SOX5: variants seen among roughly 807,000 people sequenced by gnomAD.
SOX5 encodes the protein SRY-box transcription factor 5.
A neutral mutation model predicts 92.0 loss-of-function variants in SOX5; 9 were observed. That is an observed-to-expected ratio of 0.10 (90% CI 0.06 to 0.17). SOX5 has a LOEUF of 0.17. SOX5 is among the 10% of genes least tolerant of loss of function. SOX5 has a pLI of 1.00. For missense variants in SOX5, 642 were observed against 944.5 expected (o/e 0.68, Z 4.20); for synonymous variants, 344 against 336.3 (o/e 1.02, Z -0.25).
chr12:23,919,179 T>C (rs1426040039), intron 1 of SOX5, among the ~76,000 whole-genome samples: 2 of 152,190 alleles, frequency 1.3e-5, no homozygotes, highest in Non-Finnish European at 2.9e-5. Flanking sequence ...AACCTGAGCA[T>C]GTGCCCCAAC....
At chr12:24,371,022 T>C (rs1052254981) in intron 1 of SOX5, among the ~76,000 whole-genome samples, 1 of 152,214 alleles carries the variant, frequency 6.6e-6, no homozygotes. Context: ...TGGATTTTAT[T>C]CCATGAATAG....
At chr12:24,215,772 A>G (rs1478528676) in intron 3 of SOX5, among the ~76,000 whole-genome samples, 6 of 152,044 alleles carry the variant, frequency 3.9e-5, no homozygotes, top group African/African-American at 1.4e-4. Flanking sequence ...TGGACATACA[A>G]AAAGTCCAAA....
At position 24,524,384 on chromosome 12, in the gene SOX5, TATCC is replaced by T. The variant is rs1247343575; in HGVS notation, c.-251+37941_-251+37944del. Among the ~76,000 whole-genome samples, 51 of 125,352 alleles carry T rather than the reference TATCC, an allele frequency of 4.1e-4. 1 individual carries two copies. Among genetic ancestry groups the T allele is most frequent in the African/African-American group, 1.0e-3 (38 of 36,618 alleles). 82.2% of individuals were successfully genotyped at this position (125,352 alleles called of 152,430 possible). ...CTATCTATCTATCTATCTATCTATC[TATCC>T]ATCCATCCATCCATCCTTCTATCCA... On this transcript the variant is annotated intron_variant, in intron 1 of 4. Coordinates refer to the SOX5 transcript ENST00000446891.
intron 6 of SOX5, among the ~76,000 whole-genome samples, chr12:23,669,152 G>T (rs1654030845): frequency 6.6e-6 from 1 of 152,064 alleles, no homozygotes; most frequent in Non-Finnish European, 1.5e-5. Flanking sequence ...CTCTGAATCT[G>T]GTGGGGCAAA....
At chr12:23,838,850 G>GGGC (rs2096472744) in intron 3 of SOX5, among the ~76,000 whole-genome samples, 5 of 104,610 alleles carry the variant, frequency 4.8e-5, no homozygotes, top group Admixed American at 1.0e-4. Context: ...TTTTGGGGGG[G>GGGC]GGGGGCGGGG....
chr12:23,809,608 T>C (rs1241295989), intron 3 of SOX5, among the ~76,000 whole-genome samples: 1 of 115,386 alleles, frequency 8.7e-6, no homozygotes, highest in Non-Finnish European at 1.8e-5. Context: ...TTTTGAAACA[T>C]ACTTTTTTAT....
At chr12:23,900,916 C>T (rs182684253) in intron 1 of SOX5, among the ~76,000 whole-genome samples, 18 of 152,146 alleles carry the variant, frequency 1.2e-4, no homozygotes, top group Admixed American at 1.0e-3. Flanking sequence ...GCTGAGATCG[C>T]GCCACTGCTC....
chr12:23,722,734 G>C (rs1421455343), intron 6 of SOX5, among the ~76,000 whole-genome samples: 2 of 151,686 alleles, frequency 1.3e-5, no homozygotes, highest in Non-Finnish European at 2.9e-5. Flanking sequence ...GATGTAAGAT[G>C]TTATTTTGAA....
At chr12:23,823,206 A>G (rs1028472320) in intron 3 of SOX5, among the ~76,000 whole-genome samples, 3 of 152,184 alleles carry the variant, frequency 2.0e-5, no homozygotes, top group Non-Finnish European at 4.4e-5. Flanking sequence ...GTTTCTTCAT[A>G]GTGTTGAAGA....
At chr12:23,844,804 T>G (rs74852306) in intron 3 of SOX5, among the ~76,000 whole-genome samples, 2,905 of 152,282 alleles carry the variant, frequency 0.019, 101 homozygotes, top group African/African-American at 0.067. Flanking sequence ...ATTTTTAATA[T>G]TAGGAAACAA....
At chr12:23,828,044 A>G (rs1287311468) in intron 3 of SOX5, among the ~76,000 whole-genome samples, 2 of 152,236 alleles carry the variant, frequency 1.3e-5, no homozygotes, top group Non-Finnish European at 2.9e-5. Flanking sequence ...ATGAATGTCA[A>G]TGACAGACCA....
At chr12:24,448,284 T>A (rs11047448) in intron 1 of SOX5, among the ~76,000 whole-genome samples, 29,072 of 152,092 alleles carry the variant, frequency 0.19, 2,880 homozygotes, top group Middle Eastern at 0.22. Flanking sequence ...CATCTCACAG[T>A]AAATGAGAGA....
At chr12:24,171,280 G>C (rs1954120977) in intron 4 of SOX5, among the ~76,000 whole-genome samples, 1 of 140,274 alleles carries the variant, frequency 7.1e-6, no homozygotes, top group Non-Finnish European at 1.5e-5. Context: ...CTGGAGTGCA[G>C]TGGCCCAATC....
rs144789380 is a variant in SOX5, at chr12:24,255,247, C to G, written c.-77+21969G>C. ...TTGCTGTCTACATAAAAAGAGTAAG[C>G]TTTTGTTGTCTCCCAAGAAGCAATT... On this transcript the variant is annotated intron_variant, in intron 3 of 4. Transcript: ENST00000446891. Among the ~76,000 whole-genome samples, 220 of 152,186 alleles carry G rather than the reference C, an allele frequency of 1.4e-3. 1 individual carries two copies. Among genetic ancestry groups the G allele is most frequent in the African/African-American group, 5.0e-3 (209 of 41,536 alleles).
intron 3 of SOX5, among the ~76,000 whole-genome samples, chr12:24,254,020 C>A (rs1054692900): frequency 6.6e-6 from 1 of 152,138 alleles, no homozygotes; most frequent in African/African-American, 2.4e-5. Context: ...GGGCTTAGAA[C>A]AGTTCCTGAC....
intron 7 of SOX5, among the ~76,000 whole-genome samples, chr12:23,645,810 T>A (rs1407031159): frequency 6.6e-6 from 1 of 152,216 alleles, no homozygotes; most frequent in African/African-American, 2.4e-5. Context: ...AATGCCATAT[T>A]GTATGTGTAT....
intron 1 of SOX5, among the ~76,000 whole-genome samples, chr12:24,520,538 G>A (rs1950180246): frequency 6.6e-6 from 1 of 150,552 alleles, no homozygotes. Flanking sequence ...CTACAGAAAA[G>A]CATTAAATAA....
intron 4 of SOX5, among the ~76,000 whole-genome samples, chr12:24,011,529 A>C (rs1391058079): frequency 6.6e-6 from 1 of 152,076 alleles, no homozygotes; most frequent in African/African-American, 2.4e-5. Context: ...ATTTTTTGTT[A>C]ACAACTTTTA....
chr12:24,390,020 C>G (rs1202206993), intron 1 of SOX5, among the ~76,000 whole-genome samples: 4 of 152,100 alleles, frequency 2.6e-5, no homozygotes, highest in Non-Finnish European at 4.4e-5. Flanking sequence ...TCCTTTAAGA[C>G]CATCATTTGT....
Sources: allele counts gnomAD v4.1 joint callset (sites outside exome capture counted in the v4.1 genomes callset), GRCh38; gene constraint gnomAD v4.1.1; transcripts MANE v1.5; gene names NCBI Gene and HGNC (gene_info 2026-07-23, HGNC 2026-07-21).